Variants in PPP3CA observed in about 807,000 individuals in gnomAD.
PPP3CA encodes CAM-PRP catalytic subunit.
In PPP3CA, 14 loss-of-function variants were observed where a neutral mutation model predicts 66.5. The observed-to-expected ratio is 0.21, with a 90% CI of 0.14 to 0.33. The LOEUF is 0.33. Among genes scored for constraint, PPP3CA ranks in the 10% least tolerant of loss-of-function variants. The pLI is 1.00. For synonymous variants in PPP3CA, 232 were observed against 226.2 expected (o/e 1.03, Z -0.23); for missense variants, 317 against 639.5 (o/e 0.50, Z 5.44).
At chr4:101,281,112 G>A (rs1176057355) in intron 1 of PPP3CA, among the ~76,000 whole-genome samples, 3 of 152,176 alleles carry the variant, frequency 2.0e-5, no homozygotes, top group Admixed American at 6.5e-5. Flanking sequence ...CAAATTAGAT[G>A]AGCCTGCTAT....
At chr4:101,043,061 A>T (rs1014930605) in intron 10 of PPP3CA, among the ~76,000 whole-genome samples, 11 of 152,130 alleles carry the variant, frequency 7.2e-5, no homozygotes, top group African/African-American at 2.7e-4. Context: ...TTCAATGAAC[A>T]CAAAGAATGG....
rs1214978854 is a variant in PPP3CA, at chr4:101,245,836, TCCTC to T, written c.59-49724_59-49721del. ...CACACTTACTTGAACAAGGGACCCTTCCTCCCTTCAGAACACACATTAAAGAAGT... is the reference window on the plus strand; with the variant it reads ...CACACTTACTTGAACAAGGGACCCTTCCTTCAGAACACACATTAAAGAAGT... On this transcript the variant is annotated intron_variant, in intron 1 of 13. Transcript: ENST00000394854. 2.6e-5 allele frequency among the ~76,000 whole-genome samples: 4 copies of T among 152,012 alleles called. No individual in the cohort carries two copies. The East Asian group carries it at 7.7e-4, about 29-fold the overall frequency.
At chr4:101,244,143 C>A (rs1045520566) in intron 1 of PPP3CA, among the ~76,000 whole-genome samples, 1 of 152,070 alleles carries the variant, frequency 6.6e-6, no homozygotes, top group Non-Finnish European at 1.5e-5. Context: ...GTCCTTAAAT[C>A]ATCTCATATT....
At chr4:101,106,458 A>AGAAAGAAAGAAAGAGAAG (rs1560605216) in intron 3 of PPP3CA, among the ~76,000 whole-genome samples, 1 of 32,676 alleles carries the variant, frequency 3.1e-5, no homozygotes, top group Non-Finnish European at 5.8e-5. Context: ...AGAAAGAGAA[A>AGAAAGAAAGAAAGAGAAG]AGAAAAGAAA....
intron 1 of PPP3CA, among the ~76,000 whole-genome samples, chr4:101,340,199 C>G (rs1031637137): frequency 6.6e-6 from 1 of 152,060 alleles, no homozygotes; most frequent in African/African-American, 2.4e-5. Context: ...CAGACACAAG[C>G]AAAATTTCCA....
intron 2 of PPP3CA, among the ~76,000 whole-genome samples, chr4:101,143,114 T>C (rs1722862300): frequency 6.6e-6 from 1 of 152,192 alleles, no homozygotes; most frequent in Non-Finnish European, 1.5e-5. Context: ...AGAGAGAAAG[T>C]GGGCTGGGAT....
chr4:101,280,039 T>C (rs968215906), intron 1 of PPP3CA, among the ~76,000 whole-genome samples: 1 of 152,302 alleles, frequency 6.6e-6, no homozygotes, highest in South Asian at 2.1e-4. Context: ...TTTCCCTCAA[T>C]GTATATTAAT....
intron 1 of PPP3CA, among the ~76,000 whole-genome samples, chr4:101,232,220 T>C (rs1213832661): frequency 1.3e-5 from 2 of 151,580 alleles, no homozygotes; most frequent in Non-Finnish European, 2.9e-5. Flanking sequence ...AGAAAAAAAT[T>C]GCTGTCAGTA....
chr4:101,275,961 C>T (rs1727483334), intron 1 of PPP3CA, among the ~76,000 whole-genome samples: 1 of 150,912 alleles, frequency 6.6e-6, no homozygotes, highest in Admixed American at 6.6e-5. Flanking sequence ...CTGTGGAAAT[C>T]ATAGTTCACT....
In PPP3CA at chr4:101,241,936, ATTG is replaced by A. The variant is rs144401339; in HGVS notation, c.59-45823_59-45821del. Among the ~76,000 whole-genome samples the A allele has an allele frequency of 1.1e-3, 163 of 152,224 alleles. 1 individual carries two copies. In the East Asian group the frequency reaches 0.026, roughly 24 times the overall value. ...TATTTTCAGGTAAAATCAATTCAGGATTGTTGTTAACTGTACTGTGCTACACAG... is the reference window on the plus strand; with the variant it reads ...TATTTTCAGGTAAAATCAATTCAGGATTGTTAACTGTACTGTGCTACACAG... On this transcript the variant is annotated intron_variant, in intron 1 of 13. Coordinates refer to ENST00000394854, the MANE Select transcript of PPP3CA (RefSeq NM_000944.5).
chr4:101,176,415 G>A (rs181760568), intron 2 of PPP3CA, among the ~76,000 whole-genome samples: 8 of 152,158 alleles, frequency 5.3e-5, no homozygotes, highest in Non-Finnish European at 8.8e-5. Context: ...AAGAAGGGTC[G>A]GGGGACCTGG....
intron 2 of PPP3CA, among the ~76,000 whole-genome samples, chr4:101,188,310 C>T (rs1379700470): frequency 6.6e-6 from 1 of 151,964 alleles, no homozygotes; most frequent in Non-Finnish European, 1.5e-5. Context: ...AAAATAGAGG[C>T]ACAAGGCAAA....
chr4:101,318,297 T>C (rs1448070287), intron 1 of PPP3CA, among the ~76,000 whole-genome samples: 2 of 152,220 alleles, frequency 1.3e-5, no homozygotes, highest in Admixed American at 6.5e-5. Context: ...ACTGAGTTCA[T>C]AGCATACTTA....
chr4:101,197,151 T>A (rs2659541), intron 1 of PPP3CA, among the ~76,000 whole-genome samples: 37,224 of 152,032 alleles, frequency 0.24, 7,160 homozygotes, highest in African/African-American at 0.52. Context: ...ACATACAGCA[T>A]CTCCACTGGA....
intron 1 of PPP3CA, among the ~76,000 whole-genome samples, chr4:101,246,826 G>A (rs1259615814): frequency 3.3e-5 from 5 of 152,016 alleles, no homozygotes; most frequent in Non-Finnish European, 7.4e-5. Flanking sequence ...CTTAATTAAA[G>A]AGTAGTGCTA....
chr4:101,068,781 G>C (rs147098642), intron 8 of PPP3CA, among the ~76,000 whole-genome samples: 1 of 152,062 alleles, frequency 6.6e-6, no homozygotes, highest in East Asian at 1.9e-4. Context: ...AACTTAAAGG[G>C]AAATGTACTA....
chr4:101,218,955 C>G (rs948998200), intron 1 of PPP3CA, among the ~76,000 whole-genome samples: 1 of 152,042 alleles, frequency 6.6e-6, no homozygotes, highest in African/African-American at 2.4e-5. Flanking sequence ...CACAAATAAA[C>G]GCATTGTCCC....
In PPP3CA at chr4:101,237,927, C is replaced by T. The variant is rs558987520; in HGVS notation, c.59-41811G>A. Among the ~76,000 whole-genome samples the T allele has an allele frequency of 1.2e-4, 19 of 152,160 alleles. 1 individual carries two copies. The South Asian group carries it at 3.9e-3, about 32-fold the overall frequency. On this transcript the variant is annotated intron_variant, in intron 1 of 13. Transcript: ENST00000394854. ...GACTGTAAAGACCAAACTCAAAAGC[C>T]ATCCCAGCTCCAGAGCTCACCATAG...
In PPP3CA at chr4:101,275,232, C is replaced by T. The variant is rs77438515; in HGVS notation, c.58+71507G>A. ...TTATTCCTTTACTTTCACATCCCTT[C>T]TCTCACTAACTTATTTGGTTAACTG... is the stretch of plus-strand genomic sequence containing the variant. On this transcript the variant is annotated intron_variant, in intron 1 of 13. Transcript: ENST00000394854. 1.4e-3 allele frequency among the ~76,000 whole-genome samples: 206 copies of T among 152,294 alleles called. 1 individual carries two copies. The highest frequency in any genetic ancestry group is 6.8e-3 in the Middle Eastern group (2 of 294).
Sources: allele counts gnomAD v4.1 joint callset (sites outside exome capture counted in the v4.1 genomes callset), GRCh38; gene constraint gnomAD v4.1.1; transcripts MANE v1.5; gene names NCBI Gene and HGNC (gene_info 2026-07-23, HGNC 2026-07-21).